The following CA10 variants were observed in gnomAD, a reference collection of about 807,000 sequenced individuals.
The protein encoded by CA10 is carbonic anhydrase-related protein 10.
In CA10, 14 loss-of-function variants were observed where a neutral mutation model predicts 44.2. That is an observed-to-expected ratio of 0.32 (90% CI 0.21 to 0.50). CA10 has a LOEUF of 0.50. Ranked by LOEUF, CA10 falls within the 20% of genes least tolerant of loss-of-function variation. The pLI is 0.99. For synonymous variants in CA10, 159 were observed against 141.6 expected, an observed-to-expected ratio of 1.12 and a Z score of -0.87; for missense variants, 350 against 409.7, an observed-to-expected ratio of 0.85 and a Z score of 1.26.
intron 4 of CA10, among the ~76,000 whole-genome samples, chr17:51,705,985 A>C (rs1915751297): frequency 6.6e-6 from 1 of 152,206 alleles, no homozygotes; most frequent in Admixed American, 6.5e-5. Context: ...AGTGTGGTTA[A>C]AAAGCATTTT....
intron 3 of CA10, among the ~76,000 whole-genome samples, chr17:51,763,632 G>A (rs979649095): frequency 1.3e-5 from 2 of 152,090 alleles, no homozygotes; most frequent in Admixed American, 1.3e-4. Context: ...CACTCGATGA[G>A]GTGATTTCAT....
chr17:51,887,273 T>C (rs1764898477), intron 3 of CA10, among the ~76,000 whole-genome samples: 1 of 151,900 alleles, frequency 6.6e-6, no homozygotes, highest in Admixed American at 6.6e-5. Flanking sequence ...AGAACTGCTC[T>C]TAAAGAATAG....
intron 2 of CA10, among the ~76,000 whole-genome samples, chr17:52,026,786 C>T (rs1013680579): frequency 6.6e-6 from 1 of 152,044 alleles, no homozygotes; most frequent in Non-Finnish European, 1.5e-5. Context: ...CTCTCATGGG[C>T]TCCTTCCCAC....
chr17:51,794,851 G>A (rs530088578), intron 3 of CA10, among the ~76,000 whole-genome samples: 1 of 152,306 alleles, frequency 6.6e-6, no homozygotes, highest in South Asian at 2.1e-4. Flanking sequence ...AGATACTTGA[G>A]GATTTTCAAA....
In CA10 at chr17:51,947,210, T is replaced by G. The variant is rs75539429; in HGVS notation, c.137-16078A>C. ...ACAATGCAACATCTTGATTTTGGAATGCATCTTCATGTGCAAAAAAAAAAA... is the reference window on the plus strand; with the variant it reads ...ACAATGCAACATCTTGATTTTGGAAGGCATCTTCATGTGCAAAAAAAAAAA... On this transcript the variant is annotated intron_variant, in intron 2 of 8. Transcript: ENST00000451037. Among the ~76,000 whole-genome samples, 675 of 128,430 alleles carry G rather than the reference T, an allele frequency of 5.3e-3. 1 individual carries two copies. Among genetic ancestry groups the G allele is most frequent in the Non-Finnish European group, 8.0e-3 (513 of 64,120 alleles). The allele number at this position is 128,430 out of a possible 152,430, so 84.3% of individuals were successfully genotyped here.
chr17:52,140,328 T>A (rs1347224685), intron 1 of CA10, among the ~76,000 whole-genome samples: 2 of 152,208 alleles, frequency 1.3e-5, no homozygotes, highest in Middle Eastern at 3.2e-3. Flanking sequence ...AGATAGAAAG[T>A]AATTTGAGCT....
At chr17:51,989,280 C>A (rs185068662) in intron 2 of CA10, among the ~76,000 whole-genome samples, 1 of 151,618 alleles carries the variant, frequency 6.6e-6, no homozygotes, top group East Asian at 2.0e-4. Flanking sequence ...AGCCTAGTAT[C>A]CATTAGTTAT....
At chr17:52,014,002 A>G (rs1379565136) in intron 2 of CA10, among the ~76,000 whole-genome samples, 2 of 151,978 alleles carry the variant, frequency 1.3e-5, no homozygotes. Context: ...GAGGAAGCAA[A>G]GATAAATCAT....
At chr17:52,072,121 G>C (rs1251534984) in intron 2 of CA10, among the ~76,000 whole-genome samples, 198 bp downstream of exon 2, 1 of 152,162 alleles carries the variant, frequency 6.6e-6, no homozygotes, top group East Asian at 1.9e-4. Context: ...TAGATTGAAG[G>C]ACATTGAGAC....
intron 8 of CA10, among the ~76,000 whole-genome samples, 165 bp downstream of exon 8, chr17:51,633,311 C>G (rs983895715): frequency 1.3e-5 from 2 of 152,166 alleles, no homozygotes; most frequent in African/African-American, 4.8e-5. Context: ...TCACATATAT[C>G]AAAACTTTAG....
At chr17:51,751,012 G>A (rs1904872446) in intron 3 of CA10, among the ~76,000 whole-genome samples, 1 of 152,194 alleles carries the variant, frequency 6.6e-6, no homozygotes, top group African/African-American at 2.4e-5. Context: ...TTCTCAGTCT[G>A]CCTCTTGCGA....
intron 3 of CA10, among the ~76,000 whole-genome samples, chr17:51,759,800 C>CTT (rs545024737): frequency 6.6e-6 from 1 of 151,100 alleles, no homozygotes; most frequent in African/African-American, 2.4e-5. Flanking sequence ...TATAGAGTGA[C>CTT]TTTTTTTTTA....
At chr17:51,726,995 T>C (rs572455499) in intron 4 of CA10, among the ~76,000 whole-genome samples, 19 of 152,332 alleles carry the variant, frequency 1.2e-4, no homozygotes, top group African/African-American at 4.3e-4. Context: ...GGCAGCTGGA[T>C]AGATGGACAT....
At chr17:51,906,519 CTCTTT>C (rs1330889285) in intron 3 of CA10, among the ~76,000 whole-genome samples, 4 of 152,120 alleles carry the variant, frequency 2.6e-5, no homozygotes, top group African/African-American at 9.7e-5. Context: ...ATTCTTAGCC[CTCTTT>C]TCTAACTACA....
intron 3 of CA10, among the ~76,000 whole-genome samples, chr17:51,752,278 T>C (rs1476726361): frequency 6.6e-6 from 1 of 151,180 alleles, no homozygotes; most frequent in Admixed American, 6.6e-5. Flanking sequence ...TTATCTCGAA[T>C]GCTAATTACT....
chr17:51,848,220 T>A (rs1356627218), intron 3 of CA10, among the ~76,000 whole-genome samples: 2 of 152,212 alleles, frequency 1.3e-5, no homozygotes, highest in Non-Finnish European at 2.9e-5. Flanking sequence ...CATTGACTTA[T>A]CCTGGTCTTA....
intron 2 of CA10, among the ~76,000 whole-genome samples, chr17:51,952,715 G>A (rs1009236211): frequency 1.1e-4 from 16 of 152,130 alleles, no homozygotes; most frequent in African/African-American, 3.4e-4. Flanking sequence ...AAGGGAAAAT[G>A]TCTTATCCAG....
intron 3 of CA10, among the ~76,000 whole-genome samples, chr17:51,754,680 C>T (rs76205305): frequency 0.016 from 2,407 of 151,698 alleles, 66 homozygotes; most frequent in African/African-American, 0.056. Flanking sequence ...TCAAATTCCA[C>T]TGATTTAAAT....
At chr17:51,755,009 G>A (rs893645358) in intron 3 of CA10, among the ~76,000 whole-genome samples, 1 of 151,756 alleles carries the variant, frequency 6.6e-6, no homozygotes, top group Admixed American at 6.6e-5. Context: ...AAACACATAT[G>A]CATTTTATCT....
Sources: allele counts gnomAD v4.1 joint callset (sites outside exome capture counted in the v4.1 genomes callset), GRCh38; gene constraint gnomAD v4.1.1; transcripts MANE v1.5; gene names NCBI Gene and HGNC (gene_info 2026-07-23, HGNC 2026-07-21).